MINK1: variants seen among roughly 807,000 people sequenced by gnomAD.
MINK1 encodes misshapen like kinase 1.
MINK1 carries 46 observed loss-of-function variants against 178.4 expected under a neutral mutation model. The ratio of observed to expected loss-of-function variants is 0.26; its 90% CI spans 0.20 to 0.33. The LOEUF is 0.33. Among genes scored for constraint, MINK1 ranks in the 10% least tolerant of loss-of-function variants. MINK1 has a pLI of 1.00. For synonymous variants in MINK1, 797 were observed against 709.7 expected (o/e 1.12, Z -1.96); for missense variants, 1,366 against 1,814.9 (o/e 0.75, Z 4.49).
intron 15 of MINK1, 37 bp from the exon 16 acceptor site, chr17:4,891,419 G>A (rs774097930): frequency 1.3e-6 from 2 of 1,522,794 alleles, no homozygotes; most frequent in Non-Finnish European, 1.8e-6. Context: ...ATGTGCCATG[G>A]AGCAGGCAGC....
At chr17:4,893,618 C>G (rs146407017) in intron 21 of MINK1, 21 bp downstream of exon 21, 5 of 1,513,554 alleles carry the variant, frequency 3.3e-6, no homozygotes, top group Non-Finnish European at 2.7e-6. Flanking sequence ...GGGAGTGGGG[C>G]CCTCCCACTC....
In MINK1 at chr17:4,896,750, C is replaced by G. The variant is rs772442734; in HGVS notation, c.3852C>G (p.Leu1284=). The G allele has an allele frequency of 5.0e-6, 8 of 1,600,992 alleles. No homozygotes were observed. Among genetic ancestry groups the G allele is most frequent in the South Asian group, 1.1e-5 (1 of 89,452 alleles). Residue 1284 remains leucine, a synonymous_variant, in exon 31 of 32, where the codon CTC becomes CTG. Transcript: ENST00000355280. This position sits in a 1 kb window ranked among gnomAD's most constrained non-coding sequence, Gnocchi z 4.6. ...IEIRSVETGH[L]DGVFMHKRAQ... The stretch of plus-strand genomic sequence containing the variant: ...TCCGCTCTGTGGAGACGGGCCACCT[C>G]GACGGGGTCTTCATGCACAAACGAG...
rs973413898 is a variant in MINK1 at position 4,885,204 on chromosome 17, G to A, written c.508+202G>A. On this transcript the variant is annotated intron_variant, in intron 6 of 31. Coordinates refer to ENST00000355280, the MANE Select transcript of MINK1 (RefSeq NM_153827.5). The surrounding 1 kb of genome is among the most constrained non-coding windows in gnomAD (Gnocchi z 5.0). ...AAGCTCTTCACCTGTCACCTGTTAC[G>A]GGCCAGGTGCTCTGCAGGTTGCTCT... Among the ~76,000 whole-genome samples, 14 of 152,148 alleles carry A rather than the reference G, an allele frequency of 9.2e-5. No individual in the cohort carries two copies. Among genetic ancestry groups the A allele is most frequent in the South Asian group, 2.1e-4 (1 of 4,826 alleles).
intron 1 of MINK1, among the ~76,000 whole-genome samples, chr17:4,835,002 T>C (rs1909088306): frequency 6.6e-6 from 1 of 152,140 alleles, no homozygotes; most frequent in South Asian, 2.1e-4. Flanking sequence ...TTTGGTGCAA[T>C]GTTGGGCTAT....
At chr17:4,843,402 C>G (rs1910540480) in intron 1 of MINK1, among the ~76,000 whole-genome samples, 3 of 151,724 alleles carry the variant, frequency 2.0e-5, no homozygotes, top group Non-Finnish European at 4.4e-5. Flanking sequence ...CGCTTGAACT[C>G]AGGAGGCGGA....
rs575272410 is a variant in MINK1, at chr17:4,890,328, C to T, written c.1348-189C>T. The T allele has an allele frequency of 2.8e-5, 40 of 1,426,064 alleles. No individual in the cohort carries two copies. In the South Asian group the frequency reaches 5.0e-4, roughly 18 times the overall value. The allele number at this position is 1,426,064 out of a possible 1,614,324, so 88.3% of individuals were successfully genotyped here. On this transcript the variant is annotated intron_variant, in intron 13 of 31. Coordinates refer to ENST00000355280, the MANE Select transcript of MINK1 (RefSeq NM_153827.5). The stretch of plus-strand genomic sequence containing the variant: ...CTGCTGGTAACGGGTCCCTCAGCGT[C>T]CTCTGGGAAGATGCTTTTCAGAGCT...
At position 4,877,289 on chromosome 17, in the gene MINK1, G is replaced by T. The variant is rs182335383; in HGVS notation, c.58-1028G>T. Among the ~76,000 whole-genome samples the T allele has an allele frequency of 4.4e-3, 676 of 152,326 alleles. 3 individuals carry two copies. Among genetic ancestry groups the T allele is most frequent in the Non-Finnish European group, 7.4e-3 (500 of 68,020 alleles). On this transcript the variant is annotated intron_variant, in intron 1 of 31. Transcript: ENST00000355280. ...TGGCCTGCCTGCTCTTGGCCCAGGG[G>T]GAGGACGAGCCTCTTTAGAGGCTTT...
intron 1 of MINK1, among the ~76,000 whole-genome samples, chr17:4,863,583 T>G (rs1175965483): frequency 3.9e-5 from 6 of 152,126 alleles, no homozygotes; most frequent in Non-Finnish European, 5.9e-5. Flanking sequence ...CTGCAGGCCT[T>G]GAGGTCAGAT....
chr17:4,894,552 C>T lies in MINK1; in HGVS notation c.2836C>T (p.Pro946Ser). Residue 946 changes from proline (P) to serine (S), a missense_variant, in exon 24 of 32, where the codon CCT (proline) becomes TCT (serine). By Grantham distance (74) the Pro-to-Ser change is moderately conservative (BLOSUM62 -1). Around this residue, in one of 14 missense-constraint regions of MINK1, gnomAD observed 709 missense variants for 692.3 expected, o/e 1.02. Transcript: ENST00000355280. The surrounding 1 kb of genome is among the most constrained non-coding windows in gnomAD (Gnocchi z 4.1). ...CCAGTCTCGTGGGCTGGTAAAGGCC[C>T]CTGGCAAGAGCTCGTTCACGATGTT... is the stretch of plus-strand genomic sequence containing the variant. Reference protein sequence around the residue: ...DYQSRGLVKAPGKSSFTMFVD... With the variant: ...DYQSRGLVKASGKSSFTMFVD... The T allele has an allele frequency of 1.9e-6, 3 of 1,607,176 alleles. No homozygotes were observed. Among genetic ancestry groups the T allele is most frequent in the Non-Finnish European group, 2.5e-6 (3 of 1,176,768 alleles).
rs1197351494 is a variant in MINK1, at chr17:4,881,170, G to A, written c.219G>A (p.Leu73=). The A allele has an allele frequency of 3.9e-6, 6 of 1,537,140 alleles. No homozygotes were observed. The highest frequency in any genetic ancestry group is 5.2e-6 in the Non-Finnish European group (6 of 1,146,892). The change falls in exon 4 of 32, where the codon CTG becomes CTA. Residue 73 remains leucine (L), a synonymous_variant. Transcript: ENST00000355280. ...EEEIKQEINM[L]KKYSHHRNIA... is the part of the protein sequence containing the mutation. ...AGATCAAACAGGAGATCAACATGCT[G>A]AAAAAGTACTCTCACCACCGCAACA...
rs1307456325 is a variant in MINK1 at position 4,887,832 on chromosome 17, C to T, written c.1230+42C>T. ...GGGCCCAGGCCTGGCGCGGCCTCCTCCTGACCTGCCCCGGGTCCATTAGGG... is the reference window on the plus strand; with the variant it reads ...GGGCCCAGGCCTGGCGCGGCCTCCTTCTGACCTGCCCCGGGTCCATTAGGG... On this transcript the variant is annotated intron_variant, in intron 12 of 31. Coordinates refer to ENST00000355280, the MANE Select transcript of MINK1 (RefSeq NM_153827.5). The surrounding 1 kb of genome is among the most constrained non-coding windows in gnomAD (Gnocchi z 7.6). 11 of 1,429,022 alleles carry T rather than the reference C, an allele frequency of 7.7e-6. No homozygotes were observed. The highest frequency in any genetic ancestry group is 1.0e-5 in the Non-Finnish European group (11 of 1,087,678). 88.5% of individuals were successfully genotyped at this position (1,429,022 alleles called of 1,614,324 possible).
chr17:4,863,846 G>A (rs188700573), intron 1 of MINK1, among the ~76,000 whole-genome samples: 172 of 152,098 alleles, frequency 1.1e-3, no homozygotes, highest in African/African-American at 3.9e-3. Flanking sequence ...CTGGAGTGCG[G>A]TGGCGCAATC....
rs1968270366 is a variant in MINK1 at position 4,887,059 on chromosome 17, C to T, written c.950-51C>T. 6 of 1,537,882 alleles carry T rather than the reference C, an allele frequency of 3.9e-6. No individual in the cohort carries two copies. Among genetic ancestry groups the T allele is most frequent in the Admixed American group, 3.9e-5 (2 of 51,110 alleles). ...CCCCACCCAAGGTTTCCCTAGCCCA[C>T]GGCGGGTCTGGGGCGCTGGGTGAGA... On this transcript the variant is annotated intron_variant, in intron 10 of 31. Coordinates refer to ENST00000355280, the MANE Select transcript of MINK1 (RefSeq NM_153827.5). The surrounding 1 kb of genome is among the most constrained non-coding windows in gnomAD (Gnocchi z 7.6).
At chr17:4,846,729 G>A (rs1911089709) in intron 1 of MINK1, among the ~76,000 whole-genome samples, 1 of 152,052 alleles carries the variant, frequency 6.6e-6, no homozygotes, top group Non-Finnish European at 1.5e-5. Flanking sequence ...GGAGTGCAGC[G>A]GCATGATCAT....
rs1968072639 is a variant in MINK1 at position 4,885,108 on chromosome 17, G to A, written c.508+106G>A. 9.7e-7 allele frequency: 1 copy of A among 1,033,042 alleles called. No individual in the cohort carries two copies. Among genetic ancestry groups the A allele is most frequent in the Admixed American group, 2.1e-5 (1 of 46,938 alleles). The allele number at this position is 1,033,042 out of a possible 1,614,324, so 64.0% of individuals were successfully genotyped here. On this transcript the variant is annotated intron_variant, in intron 6 of 31. Coordinates refer to ENST00000355280, the MANE Select transcript of MINK1 (RefSeq NM_153827.5). The surrounding 1 kb of genome is among the most constrained non-coding windows in gnomAD (Gnocchi z 5.0). The stretch of plus-strand genomic sequence containing the variant: ...GCTCAGGCCCAACTCCCTTCCTACT[G>A]GGGAGGCTCACTCCCTCCCCTTTCC...
intron 1 of MINK1, among the ~76,000 whole-genome samples, chr17:4,862,774 G>A (rs1011831605): frequency 3.9e-5 from 6 of 152,170 alleles, no homozygotes; most frequent in East Asian, 1.9e-4. Context: ...GCTCATGCCT[G>A]TAATTCTAGC....
chr17:4,885,675 C>T lies in MINK1; in HGVS notation c.639+62C>T, dbSNP rs1273947515. ...AGGGCGGGAAGCAATATGGGGACCA[C>T]GGGGCCTGAGCAGGCTGGGGAACAG... On this transcript the variant is annotated intron_variant, in intron 7 of 31. Transcript: ENST00000355280. This position sits in a 1 kb window ranked among gnomAD's most constrained non-coding sequence, Gnocchi z 5.0. 2.6e-5 allele frequency: 42 copies of T among 1,601,490 alleles called. No homozygotes were observed. Among genetic ancestry groups the T allele is most frequent in the East Asian group, 6.7e-5 (3 of 44,746 alleles).
Position 4,894,528 on chromosome 17 carries a change from C to A in MINK1, c.2812C>A (p.Gln938Lys). 1 of 1,597,236 alleles carries A rather than the reference C, an allele frequency of 6.3e-7. No individual in the cohort carries two copies. Among genetic ancestry groups the A allele is most frequent in the Non-Finnish European group, 8.5e-7 (1 of 1,171,512 alleles). Residue 938 changes from glutamine to lysine, a missense_variant, in exon 24 of 32, where the codon CAG becomes AAG. Physicochemically the swap from Gln to Lys is moderately conservative, Grantham distance 53 (BLOSUM62 1). Coordinates refer to ENST00000355280, the MANE Select transcript of MINK1 (RefSeq NM_153827.5). The surrounding 1 kb of genome is among the most constrained non-coding windows in gnomAD (Gnocchi z 4.1). ...PPSKDGSGDY[Q>K]SRGLVKAPGK... ...GACTGCTGTCCCCCTACCACAGTAC[C>A]AGTCTCGTGGGCTGGTAAAGGCCCC...
In MINK1 at chr17:4,891,648, T is replaced by G. The variant is rs1968829261; in HGVS notation, c.1933T>G (p.Ser645Ala). 3.1e-6 allele frequency: 5 copies of G among 1,600,936 alleles called. No individual in the cohort carries two copies. Among genetic ancestry groups the G allele is most frequent in the Non-Finnish European group, 3.4e-6 (4 of 1,174,628 alleles). ...CATCCGCCAGAATTCAGACCCCACC[T>G]CTGAAGGACCTGGCCCCAGCCCGAA... is the stretch of plus-strand genomic sequence containing the variant. ...AVIRQNSDPT[S>A]EGPGPSPNPP... is the part of the protein sequence containing the mutation. Residue 645 changes from serine (S) to alanine (A), a missense_variant, in exon 16 of 32, where the codon TCT (serine) becomes GCT (alanine). Physicochemically the swap from Ser to Ala is moderately conservative, Grantham distance 99. Around this residue, in one of 14 missense-constraint regions of MINK1, gnomAD observed 709 missense variants for 692.3 expected, o/e 1.02. Transcript: ENST00000355280.
Sources: allele counts gnomAD v4.1 joint callset (sites outside exome capture counted in the v4.1 genomes callset), GRCh38; gene constraint gnomAD v4.1.1; regional missense constraint gnomAD v4.1.1; non-coding constraint Gnocchi (gnomAD v3.1); transcripts MANE v1.5; gene names NCBI Gene and HGNC (gene_info 2026-07-23, HGNC 2026-07-21).